IPO11: variants seen among roughly 807,000 people sequenced by gnomAD.
IPO11 encodes the protein importin 11.
Under a neutral mutation model 143.2 loss-of-function variants are expected in IPO11, and 66 were observed. The ratio of observed to expected loss-of-function variants is 0.46; its 90% CI spans 0.38 to 0.57. The LOEUF is 0.57. Ranked by LOEUF, IPO11 falls within the 20% of genes least tolerant of loss-of-function variation. The probability of loss-of-function intolerance (pLI) is 0.00; values close to 1 mark genes in which losing one functional copy is unlikely to be tolerated. For missense variants in IPO11, 1,026 were observed against 1,141.0 expected (o/e 0.90, Z 1.45); for synonymous variants, 385 against 377.8 (o/e 1.02, Z -0.22).
intron 28 of IPO11, among the ~76,000 whole-genome samples, chr5:62,596,619 T>G (rs1395167944): frequency 6.6e-6 from 1 of 152,186 alleles, no homozygotes; most frequent in Admixed American, 6.5e-5. Context: ...ACTCAATACA[T>G]TGACCCACTG....
intron 1 of IPO11, among the ~76,000 whole-genome samples, chr5:62,416,812 C>T (rs1237679451): frequency 1.3e-5 from 2 of 151,432 alleles, no homozygotes; most frequent in East Asian, 3.9e-4. Flanking sequence ...GCAACTTCTG[C>T]CTCCCAGGCT....
intron 1 of IPO11, among the ~76,000 whole-genome samples, chr5:62,435,356 T>C (rs987630313): frequency 6.7e-6 from 1 of 150,360 alleles, no homozygotes; most frequent in Non-Finnish European, 1.5e-5. Flanking sequence ...ATCCCAGCAC[T>C]TGGGGAGGGA....
At chr5:62,441,870 A>G (rs1237259310) in intron 2 of IPO11, among the ~76,000 whole-genome samples, 4 of 148,996 alleles carry the variant, frequency 2.7e-5, no homozygotes, top group Non-Finnish European at 5.9e-5. Context: ...TTTTTGAGAC[A>G]GAGTCTCACT....
chr5:62,552,892 A>C (rs936227081), intron 26 of IPO11, among the ~76,000 whole-genome samples: 27 of 152,216 alleles, frequency 1.8e-4, no homozygotes, highest in Non-Finnish European at 3.5e-4. Context: ...TACATACAGC[A>C]TATAGTGATC....
intron 2 of IPO11, among the ~76,000 whole-genome samples, chr5:62,439,755 T>C (rs918049855): frequency 2.6e-5 from 4 of 152,174 alleles, no homozygotes; most frequent in African/African-American, 9.6e-5. Flanking sequence ...GAACAGATTA[T>C]ATTTACAGTA....
chr5:62,513,383 G>A (rs1446973655), intron 19 of IPO11, among the ~76,000 whole-genome samples: 7 of 128,782 alleles, frequency 5.4e-5, no homozygotes, highest in South Asian at 2.7e-4. Context: ...CCTCCCTCCC[G>A]GACGGGGCGG....
chr5:62,618,881 G>A (rs1167750058), intron 29 of IPO11, among the ~76,000 whole-genome samples: 1 of 152,042 alleles, frequency 6.6e-6, no homozygotes, highest in Non-Finnish European at 1.5e-5. Flanking sequence ...ATTGCAAGTG[G>A]TTTTACCAGA....
intron 21 of IPO11, 98 bp downstream of exon 21, chr5:62,526,355 A>G (rs917932766): frequency 2.6e-6 from 2 of 772,516 alleles, no homozygotes; most frequent in Non-Finnish European, 4.3e-6. Flanking sequence ...GGCTTTAAAA[A>G]CAGAAAATGT....
Position 62,470,816 on chromosome 5 carries a change from C to CTTTTTTTTTTTTTTTTTTTTTT in IPO11, c.708+516_708+537dup, listed in dbSNP as rs70981015. The stretch of plus-strand genomic sequence containing the variant: ...TTCATTGTCTGTAGATAGCCATCTT[C>CTTTTTTTTTTTTTTTTTTTTTT]TTTTTTTTTTTTTTTTTTTTTTTTT... On this transcript the variant is annotated intron_variant, in intron 7 of 29. Transcript: ENST00000325324. Among the ~76,000 whole-genome samples, 16 of 62,560 alleles carry CTTTTTTTTTTTTTTTTTTTTTT rather than the reference C, an allele frequency of 2.6e-4. 2 individuals are homozygous for CTTTTTTTTTTTTTTTTTTTTTT. The highest frequency in any genetic ancestry group is 1.1e-3 in the Admixed American group (4 of 3,622). The allele number at this position is 62,560 out of a possible 152,430, so 41.0% of individuals were successfully genotyped here.
chr5:62,439,888 G>A (rs1384346940), intron 2 of IPO11, among the ~76,000 whole-genome samples: 1 of 152,094 alleles, frequency 6.6e-6, no homozygotes, highest in African/African-American at 2.4e-5. Context: ...CATGATCTCA[G>A]GCTTATGTTC....
intron 5 of IPO11, among the ~76,000 whole-genome samples, chr5:62,464,622 G>A (rs1331871970): frequency 1.3e-5 from 2 of 151,864 alleles, no homozygotes; most frequent in Non-Finnish European, 1.5e-5. Flanking sequence ...AAGTATAGGC[G>A]CACCCCACCA....
rs200702729 is a variant in IPO11 at position 62,427,026 on chromosome 5, C to G, written c.-6-10248C>G. On this transcript the variant is annotated intron_variant, in intron 1 of 29. Coordinates refer to ENST00000325324, the MANE Select transcript of IPO11 (RefSeq NM_016338.5). ...GATCTCGGCTCCCTGCAATTTCTGC[C>G]TCCTGGTTTCAAGCGATTCTCCTGC... is the stretch of plus-strand genomic sequence containing the variant. 6.9e-5 allele frequency among the ~76,000 whole-genome samples: 10 copies of G among 145,234 alleles called. No individual in the cohort carries two copies. The East Asian group carries it at 2.1e-3, about 30-fold the overall frequency.
chr5:62,514,240 C>T (rs1304419565), intron 19 of IPO11, among the ~76,000 whole-genome samples: 1 of 152,074 alleles, frequency 6.6e-6, no homozygotes, highest in Non-Finnish European at 1.5e-5. Flanking sequence ...CCAAGGCAGG[C>T]GGCTGGGAGG....
At chr5:62,539,289 T>C (rs1742844115) in intron 24 of IPO11, among the ~76,000 whole-genome samples, 1 of 152,330 alleles carries the variant, frequency 6.6e-6, no homozygotes, top group East Asian at 1.9e-4. Flanking sequence ...GGCAGTCTTT[T>C]GCGTTCCTTG....
intron 5 of IPO11, among the ~76,000 whole-genome samples, chr5:62,462,515 T>C (rs1481441685): frequency 1.3e-5 from 2 of 152,052 alleles, no homozygotes; most frequent in African/African-American, 4.8e-5. Flanking sequence ...TTTGCCCCTT[T>C]GCTACCATTA....
At chr5:62,488,436 CTT>C (rs375091602) in intron 13 of IPO11, among the ~76,000 whole-genome samples, 6 of 152,158 alleles carry the variant, frequency 3.9e-5, no homozygotes, top group African/African-American at 1.4e-4. Flanking sequence ...ACTTGATTGA[CTT>C]TTAGCAACCG....
chr5:62,542,076 T>A (rs896711300), intron 24 of IPO11, among the ~76,000 whole-genome samples: 10 of 151,938 alleles, frequency 6.6e-5, no homozygotes, highest in African/African-American at 2.4e-4. Context: ...TTATTTTTTT[T>A]ATTTTTTTAT....
chr5:62,546,186 T>G (rs1206529791), intron 24 of IPO11, among the ~76,000 whole-genome samples: 1 of 152,080 alleles, frequency 6.6e-6, no homozygotes, highest in African/African-American at 2.4e-5. Context: ...TAGCAAAGAC[T>G]TGGAACCAAC....
chr5:62,474,498 G>A (rs781166969), intron 8 of IPO11, 34 bp downstream of exon 8: 1 of 1,467,680 alleles, frequency 6.8e-7, no homozygotes, highest in Admixed American at 2.1e-5. Context: ...TTTTACTGTA[G>A]AATTTTTATT....
Sources: gnomAD v4.1 joint callset for allele counts (sites outside exome capture counted in the v4.1 genomes callset) on GRCh38, gnomAD v4.1.1 for gene constraint, MANE v1.5 for transcripts, NCBI Gene and HGNC (gene_info 2026-07-23, HGNC 2026-07-21) for gene names.